Variants in ULBP1 observed in about 807,000 individuals in gnomAD.
ULBP1 encodes UL16 binding protein 1.
Under a neutral mutation model 25.3 loss-of-function variants are expected in ULBP1, and 28 were observed. The ratio of observed to expected loss-of-function variants is 1.10; its 90% confidence interval spans 0.82 to 1.51. The LOEUF (loss-of-function observed/expected upper bound fraction) is 1.51, where lower values mean the gene tolerates loss of function less well. Ranked by LOEUF, ULBP1 falls within the 40% of genes most tolerant of loss-of-function variation. The pLI is 0.00. For synonymous variants in ULBP1, 129 were observed against 103.0 expected (o/e 1.25, Z -1.53); for missense variants, 348 against 290.9 (o/e 1.20, Z -1.43).
At chr6:149,965,110 A>G (rs1779179370) in intron 1 of ULBP1, among the ~76,000 whole-genome samples, 1 of 146,334 alleles carries the variant, frequency 6.8e-6, no homozygotes, top group Non-Finnish European at 1.5e-5. Context: ...CTACCCGAAC[A>G]TCGCGGCCTC....
At chr6:149,970,608 G>A (rs1015047601) in intron 4 of ULBP1, among the ~76,000 whole-genome samples, 18 of 152,256 alleles carry the variant, frequency 1.2e-4, no homozygotes, top group Admixed American at 3.9e-4. Flanking sequence ...GGAGCTGTGA[G>A]GGTCTTGGCC....
At position 149,968,887 on chromosome 6, in the gene ULBP1, CCAGGGAG is replaced by C. The variant is rs1562494682; in HGVS notation, c.349+21_349+27del. On this transcript the variant is annotated intron_variant, in intron 2 of 4. Coordinates refer to ENST00000229708, the MANE Select transcript of ULBP1 (RefSeq NM_025218.4). ...TACCCATTGGTAAGTTTAAAATGGCCCAGGGAGCAGACACAGTAGTAACTTAGAGTCA... is the reference window on the plus strand; with the variant it reads ...TACCCATTGGTAAGTTTAAAATGGCCCAGACACAGTAGTAACTTAGAGTCA... 4 of 1,609,746 alleles carry C rather than the reference CCAGGGAG, an allele frequency of 2.5e-6. No individual in the cohort carries two copies. In the Admixed American group the frequency reaches 5.0e-5, roughly 20 times the overall value.
At chr6:149,970,369 A>G (rs1244229814) in intron 4 of ULBP1, among the ~76,000 whole-genome samples, 1 of 152,192 alleles carries the variant, frequency 6.6e-6, no homozygotes, top group Non-Finnish European at 1.5e-5. Flanking sequence ...AGGGACCCAT[A>G]CCAAGGCTCA....
At chr6:149,970,257 T>C in intron 4 of ULBP1, 110 bp downstream of exon 4, 2 of 1,413,876 alleles carry the variant, frequency 1.4e-6, no homozygotes, top group Non-Finnish European at 1.9e-6. Flanking sequence ...ATCCTGACAT[T>C]AGACAGATGA....
intron 1 of ULBP1, among the ~76,000 whole-genome samples, chr6:149,968,398 T>C (rs1434074012): frequency 6.6e-6 from 1 of 152,226 alleles, no homozygotes; most frequent in Non-Finnish European, 1.5e-5. Context: ...TGTGGTTTCA[T>C]GGCTGCAGGA....
In ULBP1 at chr6:149,963,960, G is replaced by A. The variant is rs1274423162; in HGVS notation, c.-90G>A. The A allele has an allele frequency of 2.2e-6, 3 of 1,343,924 alleles. No homozygotes were observed. Among genetic ancestry groups the A allele is most frequent in the Non-Finnish European group, 2.1e-6 (2 of 962,748 alleles). 83.2% of individuals were successfully genotyped at this position (1,343,924 alleles called of 1,614,324 possible). A position where few individuals can be genotyped will look rare whatever the true frequency, so the allele number is the denominator to read the frequency against. ...CGCCCAGTGTATCCCTGCGCGCGGC[G>A]GGCCGGGCTGGGCAGCTTTATAAAC... On this transcript the variant is annotated 5_prime_UTR_variant, in exon 1 of 5. Transcript: ENST00000229708.
intron 3 of ULBP1, 89 bp downstream of exon 3, chr6:149,969,449 G>A (rs1779269975): frequency 6.5e-7 from 1 of 1,542,114 alleles, no homozygotes; most frequent in East Asian, 2.3e-5. Context: ...GTGTGTGTTT[G>A]AGTGAGTATG....
At chr6:149,970,273 A>G (rs551693805) in intron 4 of ULBP1, 126 bp downstream of exon 4, 3 of 1,284,074 alleles carry the variant, frequency 2.3e-6, no homozygotes, top group African/African-American at 3.0e-5. Context: ...GATGAATGAG[A>G]CCTGCTGTCA....
intron 1 of ULBP1, among the ~76,000 whole-genome samples, chr6:149,964,577 C>A (rs779508535): frequency 1.3e-5 from 2 of 150,816 alleles, no homozygotes; most frequent in Non-Finnish European, 3.0e-5. Flanking sequence ...CCCCGAACAT[C>A]GCGGTCTCCC....
rs755193780 is a variant in ULBP1, at chr6:149,969,197, C to T, written c.462C>T (p.Asn154=). Residue 154 remains asparagine, a synonymous_variant, in exon 3 of 5, where the codon AAC becomes AAT. Transcript: ENST00000229708. ...NGQKFLLFDS[N]NRKWTALHPG... ...AGAAGTTCCTCCTCTTTGACTCAAA[C>T]AACAGAAAGTGGACAGCACTTCATC... 1 of 1,614,254 alleles carries T rather than the reference C, an allele frequency of 6.2e-7. No individual in the cohort carries two copies. The highest frequency in any genetic ancestry group is 2.2e-5 in the East Asian group (1 of 44,886).
chr6:149,967,362 G>A (rs1779221557), intron 1 of ULBP1, among the ~76,000 whole-genome samples: 1 of 152,192 alleles, frequency 6.6e-6, no homozygotes, highest in African/African-American at 2.4e-5. Context: ...TGGCTCTCTG[G>A]GGGAGGCTGA....
At chr6:149,969,838 AGGG>A (rs1779281549) in intron 3 of ULBP1, among the ~76,000 whole-genome samples, 175 bp from the exon 4 acceptor site, 1 of 151,916 alleles carries the variant, frequency 6.6e-6, no homozygotes, top group Non-Finnish European at 1.5e-5. Flanking sequence ...GAGCTCCCTG[AGGG>A]CAGGGGACAC....
chr6:149,964,223 G>A, intron 1 of ULBP1, 89 bp downstream of exon 1: 1 of 1,444,364 alleles, frequency 6.9e-7, no homozygotes, highest in Non-Finnish European at 9.6e-7. Context: ...GGAGGCTTCT[G>A]GAAGGACCGG....
At chr6:149,964,943 C>T (rs1779174904) in intron 1 of ULBP1, among the ~76,000 whole-genome samples, 1 of 143,074 alleles carries the variant, frequency 7.0e-6, no homozygotes, top group South Asian at 2.3e-4. Flanking sequence ...ATTGCGATCT[C>T]CCCGAACATC....
Position 149,964,105 on chromosome 6 carries a change from T to C in ULBP1, c.56T>C (p.Leu19Pro), listed in dbSNP as rs1779151406. 3 of 1,614,210 alleles carry C rather than the reference T, an allele frequency of 1.9e-6. No homozygotes were observed. The highest frequency in any genetic ancestry group is 2.5e-6 in the Non-Finnish European group (3 of 1,180,022). ...FLLCLPLLHL[L>P]SGWSRAGWVD... Reference sequence around the variant, plus strand: ...CTGTGCCTCCCGCTTCTGCACCTGCTGTCTGGCTGGTCCCGGGCAGGATGG... The same window carrying C: ...CTGTGCCTCCCGCTTCTGCACCTGCCGTCTGGCTGGTCCCGGGCAGGATGG... The change falls in exon 1 of 5, where the codon CTG (leucine) becomes CCG (proline). Residue 19 changes from leucine (L) to proline (P), a missense_variant. By Grantham distance (98) the Leu-to-Pro change is moderately conservative. Coordinates refer to ENST00000229708, the MANE Select transcript of ULBP1 (RefSeq NM_025218.4).
chr6:149,971,326 G>T lies in ULBP1; in HGVS notation c.*23-43G>T, dbSNP rs1450908696. ...GGATCACCCAGGAGAACAGACCCAG[G>T]TTTTTCTCAGCCACTTAAACCAATG... On this transcript the variant is annotated intron_variant, in intron 4 of 4. Transcript: ENST00000229708. The T allele has an allele frequency of 5.1e-6, 5 of 985,254 alleles. No individual in the cohort carries two copies. The East Asian group carries it at 5.7e-4, about 112-fold the overall frequency. The allele number at this position is 985,254 out of a possible 1,614,324, so 61.0% of individuals were successfully genotyped here.
Position 149,973,653 on chromosome 6 carries a change from G to A in ULBP1, c.*2307G>A, listed in dbSNP as rs368779927. 3 of 152,224 alleles carry A rather than the reference G, an allele frequency of 2.0e-5. No homozygotes were observed. Among genetic ancestry groups the A allele is most frequent in the Non-Finnish European group, 2.9e-5 (2 of 67,998 alleles). The allele number at this position is 152,224 out of a possible 1,614,324, so 9.4% of individuals were successfully genotyped here. On this transcript the variant is annotated 3_prime_UTR_variant, in exon 5 of 5. Transcript: ENST00000229708. ...TATAAAAATTTGTATGATGATAATT[G>A]TATAATAATTATACATGAAAGTGCC...
intron 1 of ULBP1, among the ~76,000 whole-genome samples, chr6:149,967,859 T>G (rs1186059973): frequency 6.6e-6 from 1 of 152,186 alleles, no homozygotes; most frequent in Non-Finnish European, 1.5e-5. Context: ...GGCTTCTTGA[T>G]AGTCTGCTGC....
At chr6:149,968,902 AG>A (rs762329840) in intron 2 of ULBP1, 32 bp downstream of exon 2, 1 of 1,600,706 alleles carries the variant, frequency 6.2e-7, no homozygotes, top group Non-Finnish European at 8.5e-7. Context: ...GAGCAGACAC[AG>A]TAGTAACTTA....
Sources: allele counts gnomAD v4.1 joint callset (sites outside exome capture counted in the v4.1 genomes callset), GRCh38; gene constraint gnomAD v4.1.1; transcripts MANE v1.5; gene names NCBI Gene and HGNC (gene_info 2026-07-23, HGNC 2026-07-21).